The following DRGX variants were observed in gnomAD, a reference collection of about 807,000 sequenced individuals.
The protein encoded by DRGX is dorsal root ganglia homeobox protein.
DRGX carries 21 observed loss-of-function variants against 28.6 expected under a neutral mutation model. The observed-to-expected ratio is 0.73, with a 90% CI of 0.52 to 1.06. The LOEUF (loss-of-function observed/expected upper bound fraction) is 1.06, where lower values mean the gene tolerates loss of function less well. Ranked by LOEUF, DRGX falls within the 50% of genes least tolerant of loss-of-function variation. The pLI is 0.00. For missense variants in DRGX, 354 were observed against 343.9 expected, an observed-to-expected ratio of 1.03 and a Z score of -0.23; for synonymous variants, 136 against 139.1, an observed-to-expected ratio of 0.98 and a Z score of 0.16.
chr10:49,390,279 G>A (rs1318085402), intron 3 of DRGX, 45 bp from the exon 4 acceptor site: 1 of 1,517,304 alleles, frequency 6.6e-7, no homozygotes, highest in African/African-American at 1.4e-5. Context: ...CTGTGGCTAG[G>A]TGAGGGGAAG....
intron 6 of DRGX, among the ~76,000 whole-genome samples, chr10:49,384,105 G>A (rs1431257067): frequency 1.3e-5 from 2 of 152,222 alleles, no homozygotes; most frequent in Non-Finnish European, 2.9e-5. Flanking sequence ...CCCCAGCATG[G>A]CTCCTTGCTT....
intron 6 of DRGX, 145 bp from the exon 7 acceptor site, chr10:49,366,526 A>C: frequency 8.4e-7 from 1 of 1,196,918 alleles, no homozygotes; most frequent in Middle Eastern, 2.6e-4. Context: ...ACAAGTGCTC[A>C]GAACCTCAAA....
At chr10:49,368,614 C>T (rs1256663972) in intron 6 of DRGX, among the ~76,000 whole-genome samples, 1 of 152,256 alleles carries the variant, frequency 6.6e-6, no homozygotes, top group Non-Finnish European at 1.5e-5. Flanking sequence ...GGTTAGAACC[C>T]ACCCCCATGG....
intron 2 of DRGX, among the ~76,000 whole-genome samples, chr10:49,394,449 C>T (rs1360041831): frequency 1.3e-5 from 2 of 152,168 alleles, no homozygotes; most frequent in Admixed American, 1.3e-4. Flanking sequence ...AATAATAAAT[C>T]AAACGAGTAG....
intron 6 of DRGX, 134 bp from the exon 7 acceptor site, chr10:49,366,515 G>A: frequency 7.7e-7 from 1 of 1,305,226 alleles, no homozygotes; most frequent in Non-Finnish European, 1.0e-6. Context: ...AAGGGAGAAG[G>A]ACAAGTGCTC....
intron 6 of DRGX, among the ~76,000 whole-genome samples, chr10:49,375,484 G>A (rs575080803): frequency 4.6e-5 from 7 of 152,194 alleles, no homozygotes; most frequent in African/African-American, 7.2e-5. Context: ...TATTCTTAAC[G>A]AAGTTAACCA....
intron 6 of DRGX, among the ~76,000 whole-genome samples, chr10:49,369,443 T>C (rs1400432900): frequency 3.3e-5 from 5 of 152,170 alleles, no homozygotes; most frequent in Non-Finnish European, 5.9e-5. Flanking sequence ...ATTCTGACAC[T>C]CGCTCCAACA....
intron 6 of DRGX, among the ~76,000 whole-genome samples, chr10:49,378,244 G>C (rs73311907): frequency 1.3e-5 from 2 of 151,624 alleles, no homozygotes; most frequent in African/African-American, 4.9e-5. Context: ...ATTGATAAAG[G>C]GTATCTTTAA....
chr10:49,383,274 A>G (rs1849797661), intron 6 of DRGX, among the ~76,000 whole-genome samples: 1 of 152,244 alleles, frequency 6.6e-6, no homozygotes, highest in African/African-American at 2.4e-5. Flanking sequence ...CTGGTAGAGC[A>G]CAGGATAACT....
intron 3 of DRGX, 83 bp downstream of exon 3, chr10:49,391,080 TA>T: frequency 7.1e-7 from 1 of 1,418,362 alleles, no homozygotes; most frequent in African/African-American, 1.4e-5. Context: ...GGTCTTATTT[TA>T]AAAGACAAAG....
At chr10:49,382,110 G>A (rs1849782781) in intron 6 of DRGX, among the ~76,000 whole-genome samples, 1 of 152,128 alleles carries the variant, frequency 6.6e-6, no homozygotes, top group African/African-American at 2.4e-5. Flanking sequence ...CTGGGGAGCA[G>A]CAAGGAGGGA....
At chr10:49,389,904 A>G (rs1252346486) in intron 4 of DRGX, among the ~76,000 whole-genome samples, 1 of 150,328 alleles carries the variant, frequency 6.7e-6, no homozygotes, top group Non-Finnish European at 1.5e-5. Flanking sequence ...TACCTTAGAG[A>G]CGCGGACAAA....
intron 2 of DRGX, among the ~76,000 whole-genome samples, chr10:49,392,754 C>T (rs961000753): frequency 6.6e-6 from 1 of 151,882 alleles, no homozygotes; most frequent in Non-Finnish European, 1.5e-5. Flanking sequence ...AGATTGACAA[C>T]CTAATAGAAA....
chr10:49,381,675 G>T (rs77321095), intron 6 of DRGX, among the ~76,000 whole-genome samples: 2,004 of 152,342 alleles, frequency 0.013, 47 homozygotes, highest in African/African-American at 0.044. Context: ...GGGAGAACAG[G>T]TCTTGCCCTG....
At chr10:49,392,014 A>T (rs889100452) in intron 2 of DRGX, among the ~76,000 whole-genome samples, 2 of 152,212 alleles carry the variant, frequency 1.3e-5, no homozygotes, top group African/African-American at 4.8e-5. Context: ...ACTTCCCCAC[A>T]AAAGAAAGAC....
At chr10:49,387,665 A>T (rs992022529) in intron 4 of DRGX, among the ~76,000 whole-genome samples, 1 of 149,168 alleles carries the variant, frequency 6.7e-6, no homozygotes, top group African/African-American at 2.4e-5. Context: ...TCCATCACAA[A>T]AAAAAAAAAA....
chr10:49,376,779 G>C (rs1463147402), intron 6 of DRGX, among the ~76,000 whole-genome samples: 1 of 152,112 alleles, frequency 6.6e-6, no homozygotes. Context: ...CTCTGCCTGG[G>C]GGACCCTCAC....
At position 49,371,047 on chromosome 10, in the gene DRGX, C is replaced by T. The variant is rs1426708702; in HGVS notation, c.527-4666G>A. On this transcript the variant is annotated intron_variant, in intron 6 of 6. Transcript: ENST00000374139. ...GGGGGGATAGGAACTACAGTGATCT[C>T]GGCACATACACATGTTAACTTAAAT... Among the ~76,000 whole-genome samples, 5 of 152,194 alleles carry T rather than the reference C, an allele frequency of 3.3e-5. No individual in the cohort carries two copies. The South Asian group carries it at 8.3e-4, about 25-fold the overall frequency.
intron 6 of DRGX, among the ~76,000 whole-genome samples, chr10:49,373,624 CA>C (rs1849683558): frequency 6.6e-6 from 1 of 152,202 alleles, no homozygotes; most frequent in Admixed American, 6.5e-5. Context: ...AAGGACACAG[CA>C]ACAAGATACC....
Sources: allele counts gnomAD v4.1 joint callset (sites outside exome capture counted in the v4.1 genomes callset), GRCh38; gene constraint gnomAD v4.1.1; transcripts MANE v1.5; gene names NCBI Gene and HGNC (gene_info 2026-07-23, HGNC 2026-07-21).